The following DCAF5 variants were observed in gnomAD, a reference collection of about 807,000 sequenced individuals.
DCAF5 encodes DDB1 and CUL4 associated factor 5.
A neutral mutation model predicts 80.7 loss-of-function variants in DCAF5; 9 were observed. The observed-to-expected ratio is 0.11, with a 90% CI of 0.07 to 0.19. The LOEUF (loss-of-function observed/expected upper bound fraction) is 0.19. DCAF5 is among the 10% of genes least tolerant of loss of function. DCAF5 has a pLI of 1.00. For synonymous variants in DCAF5, 433 were observed against 461.9 expected, an observed-to-expected ratio of 0.94 and a Z score of 0.80; for missense variants, 842 against 1,205.7, an observed-to-expected ratio of 0.70 and a Z score of 4.47.
Position 69,053,664 on chromosome 14 carries a change from A to G in DCAF5, c.*193T>C. On this transcript the variant is annotated 3_prime_UTR_variant, in exon 9 of 9. Coordinates refer to ENST00000341516, the MANE Select transcript of DCAF5 (RefSeq NM_003861.3). ...TTTTTCCCCTTTCTTAACACAGCAC[A>G]AGCCAATGGCCAGCTAGACATTCAG... The G allele has an allele frequency of 1.7e-6, 1 of 589,202 alleles. No homozygotes were observed. Among genetic ancestry groups the G allele is most frequent in the East Asian group, 3.0e-5 (1 of 33,520 alleles). 36.5% of individuals were successfully genotyped at this position (589,202 alleles called of 1,614,324 possible). A position where few individuals can be genotyped will look rare whatever the true frequency, so the allele number is the denominator to read the frequency against.
intron 1 of DCAF5, among the ~76,000 whole-genome samples, chr14:69,123,994 G>A (rs139172027): frequency 4.9e-4 from 75 of 152,194 alleles, no homozygotes; most frequent in African/African-American, 1.7e-3. Context: ...CACTGTGCCC[G>A]GCCAAGTAGT....
At chr14:69,123,496 G>GA (rs1441064440) in intron 1 of DCAF5, among the ~76,000 whole-genome samples, 13 of 152,164 alleles carry the variant, frequency 8.5e-5, no homozygotes, top group African/African-American at 3.1e-4. Flanking sequence ...CTGGTGTTGG[G>GA]AGACTTTTTA....
intron 1 of DCAF5, among the ~76,000 whole-genome samples, chr14:69,133,991 G>C (rs1386078500): frequency 6.6e-6 from 1 of 152,156 alleles, no homozygotes; most frequent in Non-Finnish European, 1.5e-5. Context: ...TCTAATTCCT[G>C]ATCAGAAACA....
chr14:69,099,330 G>T (rs960835342), intron 5 of DCAF5, among the ~76,000 whole-genome samples: 2 of 150,108 alleles, frequency 1.3e-5, no homozygotes, highest in Admixed American at 6.7e-5. Flanking sequence ...GCTCCATCGA[G>T]ATTCACATGG....
At chr14:69,138,843 A>G (rs2041268055) in intron 1 of DCAF5, among the ~76,000 whole-genome samples, 1 of 152,166 alleles carries the variant, frequency 6.6e-6, no homozygotes, top group African/African-American at 2.4e-5. Context: ...TAAACATTTC[A>G]CAACATGAAA....
chr14:69,063,044 A>G (rs911874205), intron 7 of DCAF5, among the ~76,000 whole-genome samples: 1 of 152,252 alleles, frequency 6.6e-6, no homozygotes, highest in Non-Finnish European at 1.5e-5. Context: ...GGGAAATAAT[A>G]GAGAGAATAC....
chr14:69,097,443 C>T (rs570524753), intron 5 of DCAF5, among the ~76,000 whole-genome samples: 1 of 152,224 alleles, frequency 6.6e-6, no homozygotes, highest in East Asian at 1.9e-4. Flanking sequence ...CGTACACCCA[C>T]ATTAATTTAG....
chr14:69,066,051 C>T (rs575176953), intron 7 of DCAF5, among the ~76,000 whole-genome samples: 2 of 152,142 alleles, frequency 1.3e-5, no homozygotes, highest in South Asian at 4.2e-4. Flanking sequence ...TCCTGAGCTG[C>T]CATTTGTTTA....
intron 1 of DCAF5, among the ~76,000 whole-genome samples, chr14:69,151,706 G>A (rs141472313): frequency 0.042 from 6,317 of 152,112 alleles, 165 homozygotes; most frequent in African/African-American, 0.073. Flanking sequence ...GGGGACGACG[G>A]CGGCGAGCGC....
Position 69,053,885 on chromosome 14 carries a change from G to T in DCAF5, c.2801C>A (p.Ser934Tyr). The T allele has an allele frequency of 6.2e-7, 1 of 1,608,740 alleles. No homozygotes were observed. Among genetic ancestry groups the T allele is most frequent in the South Asian group, 1.1e-5 (1 of 89,706 alleles). ...TGTTTTTAATTTCTTCTCTGAGGAG[G>T]AATTCTCTGAATCTGTATCTTCCAA... ...IELEDTDSEN[S>Y]SSEKKLKT is the part of the protein sequence containing the mutation. Residue 934 changes from serine (S) to tyrosine (Y), a missense_variant, in exon 9 of 9, where the codon TCC becomes TAC. Ser to Tyr is a moderately radical substitution (Grantham distance 144). Around this residue, in one of 5 missense-constraint regions of DCAF5, gnomAD observed 607 missense variants for 656.6 expected, o/e 0.92. Coordinates refer to ENST00000341516, the MANE Select transcript of DCAF5 (RefSeq NM_003861.3).
rs1370702587 is a variant in DCAF5 at position 69,055,614 on chromosome 14, G to A, written c.1075-3C>T. 6.3e-7 allele frequency: 1 copy of A among 1,583,602 alleles called. No individual in the cohort carries two copies. The highest frequency in any genetic ancestry group is 1.4e-5 in the African/African-American group (1 of 73,876). ...GGCTGCTTGTATGGGCTCCAGATCT[G>A]AACAGAAAATGAAAAACAAAAGCAA... is the stretch of plus-strand genomic sequence containing the variant. On this transcript the variant is annotated splice_polypyrimidine_tract_variant and splice_region_variant and intron_variant, in intron 8 of 8. Transcript: ENST00000341516. The surrounding 1 kb of genome is among the most constrained non-coding windows in gnomAD (Gnocchi z 5.6).
intron 6 of DCAF5, among the ~76,000 whole-genome samples, chr14:69,078,091 A>G (rs528909296): frequency 6.6e-6 from 1 of 152,296 alleles, no homozygotes; most frequent in South Asian, 2.1e-4. Context: ...TTGATAAGTC[A>G]CTCCACAAAC....
In DCAF5 at chr14:69,053,799, C is replaced by G; in HGVS notation, c.*58G>C. The G allele has an allele frequency of 7.1e-7, 1 of 1,412,832 alleles. No individual in the cohort carries two copies. 87.5% of individuals were successfully genotyped at this position (1,412,832 alleles called of 1,614,324 possible). ...TTTCCTTTCCTCTGTATTCACTAAA[C>G]AATTTTTTTTTTTTTGTAAGGCTAC... is the stretch of plus-strand genomic sequence containing the variant. On this transcript the variant is annotated 3_prime_UTR_variant, in exon 9 of 9. Transcript: ENST00000341516.
At chr14:69,135,094 G>A (rs2041151416) in intron 1 of DCAF5, among the ~76,000 whole-genome samples, 1 of 152,226 alleles carries the variant, frequency 6.6e-6, no homozygotes, top group South Asian at 2.1e-4. Context: ...TCATGCTTCA[G>A]AACAGTTGTT....
intron 8 of DCAF5, among the ~76,000 whole-genome samples, chr14:69,060,487 T>A (rs1299038888): frequency 1.3e-5 from 2 of 152,104 alleles, no homozygotes; most frequent in African/African-American, 4.8e-5. Context: ...ATCAAGGAAG[T>A]TGGACTAAGG....
chr14:69,079,769 TA>T (rs2039032673), intron 6 of DCAF5, among the ~76,000 whole-genome samples: 1 of 151,986 alleles, frequency 6.6e-6, no homozygotes, highest in African/African-American at 2.4e-5. Flanking sequence ...TACATTCCAT[TA>T]ATGGGAAGAG....
intron 6 of DCAF5, chr14:69,084,185 G>A: frequency 2.1e-6 from 2 of 944,042 alleles, no homozygotes; most frequent in South Asian, 1.3e-5. Flanking sequence ...AACTTTTGGT[G>A]TTCTTAAGGA....
At chr14:69,074,392 C>A (rs534797267) in intron 7 of DCAF5, among the ~76,000 whole-genome samples, 73 of 151,768 alleles carry the variant, frequency 4.8e-4, no homozygotes, top group Non-Finnish European at 9.3e-4. Context: ...AACAAACCAT[C>A]CTAAGAAAAA....
intron 8 of DCAF5, among the ~76,000 whole-genome samples, chr14:69,058,397 T>C (rs1201346924): frequency 6.6e-6 from 1 of 151,920 alleles, no homozygotes; most frequent in Non-Finnish European, 1.5e-5. Context: ...CAGGTGCCTG[T>C]AGTCCCAGCT....
Sources: gnomAD v4.1 joint callset for allele counts (sites outside exome capture counted in the v4.1 genomes callset) on GRCh38, gnomAD v4.1.1 for gene constraint, gnomAD v4.1.1 regional missense constraint, Gnocchi (gnomAD v3.1) non-coding constraint, MANE v1.5 for transcripts, NCBI Gene and HGNC (gene_info 2026-07-23, HGNC 2026-07-21) for gene names.